SLIT1: variants seen among roughly 807,000 people sequenced by gnomAD.
SLIT1 encodes slit homolog 1 protein.
Under a neutral mutation model 186.1 loss-of-function variants are expected in SLIT1, and 66 were observed. That is an observed-to-expected ratio of 0.35 (90% CI 0.29 to 0.44). The LOEUF is 0.44. Ranked by LOEUF, SLIT1 falls within the 20% of genes least tolerant of loss-of-function variation. SLIT1 has a pLI of 1.00. For synonymous variants in SLIT1, 761 were observed against 833.8 expected (o/e 0.91, Z 1.50); for missense variants, 1,638 against 2,037.4 (o/e 0.80, Z 3.77).
At chr10:97,185,456 CA>C in intron 1 of SLIT1, 21 bp downstream of exon 1, 1 of 1,606,056 alleles carries the variant, frequency 6.2e-7, no homozygotes, top group Non-Finnish European at 8.5e-7. Context: ...GCCAGGGAGC[CA>C]GGGGCGGGGA....
intron 28 of SLIT1, among the ~76,000 whole-genome samples, chr10:97,017,090 C>G (rs751409272): frequency 1.3e-5 from 2 of 152,218 alleles, no homozygotes; most frequent in African/African-American, 4.8e-5. Context: ...ACTCCCGCAG[C>G]CCGCATTCTG....
rs575252683 is a variant in SLIT1 at position 97,043,958 on chromosome 10, A to G, written c.1854-445T>C. On this transcript the variant is annotated intron_variant, in intron 18 of 36. Coordinates refer to ENST00000266058, the MANE Select transcript of SLIT1 (RefSeq NM_003061.3). The surrounding 1 kb of genome is among the most constrained non-coding windows in gnomAD (Gnocchi z 7.0). ...GAACTCCTTACTGTGACCTGAGACC[A>G]TGTCTACCCAGACCCGGACCATCTC... Among the ~76,000 whole-genome samples, 1 of 152,012 alleles carries G rather than the reference A, an allele frequency of 6.6e-6. No individual in the cohort carries two copies. Among genetic ancestry groups the G allele is most frequent in the South Asian group, 2.1e-4 (1 of 4,794 alleles).
At chr10:97,003,296 C>A (rs1848329101) in intron 34 of SLIT1, among the ~76,000 whole-genome samples, 1 of 152,266 alleles carries the variant, frequency 6.6e-6, no homozygotes, top group African/African-American at 2.4e-5. Context: ...AAGGCGCCTT[C>A]TCTCCCTGGG....
In SLIT1 at chr10:97,040,028, G is replaced by A. The variant is rs199850565; in HGVS notation, c.2257C>T (p.Arg753Trp). ...TVVRCSNKHL[R>W]ALPKGIPKNV... is the part of the protein sequence containing the mutation. The stretch of plus-strand genomic sequence containing the variant: ...TTGGGAATGCCCTTGGGCAGGGCCC[G>A]CAGGTGCTTGTTGCTGCATCGGACC... Residue 753 changes from arginine to tryptophan, a missense_variant, in exon 21 of 37, where the codon CGG becomes TGG. This residue lies in a region of SLIT1 where 1,245 missense variants were observed against 1,535.3 expected (regional missense o/e 0.81). Coordinates refer to ENST00000266058, the MANE Select transcript of SLIT1 (RefSeq NM_003061.3). The A allele has an allele frequency of 1.8e-5, 29 of 1,613,580 alleles. No homozygotes were observed. The Middle Eastern group carries it at 6.6e-4, about 37-fold the overall frequency.
chr10:97,168,227 A>G (rs112540348), intron 1 of SLIT1, among the ~76,000 whole-genome samples: 1 of 152,330 alleles, frequency 6.6e-6, no homozygotes, highest in African/African-American at 2.4e-5. Context: ...TATAATATCC[A>G]TAATACCCAA....
intron 34 of SLIT1, 84 bp from the exon 35 acceptor site, chr10:97,003,076 T>G: frequency 7.5e-7 from 1 of 1,338,232 alleles, no homozygotes; most frequent in Middle Eastern, 2.1e-4. Flanking sequence ...GGCAGCTCCA[T>G]GGCCTTCCCT....
chr10:97,102,500 G>C (rs992387166), intron 4 of SLIT1: 8 of 151,912 alleles, frequency 5.3e-5, no homozygotes, highest in African/African-American at 1.9e-4. Context: ...GCACTGCAGG[G>C]ACACGCAAAG....
Position 97,127,348 on chromosome 10 carries a change from C to A in SLIT1, c.413+30470G>T, listed in dbSNP as rs144321912. 1.8e-3 allele frequency among the ~76,000 whole-genome samples: 279 copies of A among 152,092 alleles called. 2 individuals carry two copies. Among genetic ancestry groups the A allele is most frequent in the African/African-American group, 6.6e-3 (272 of 41,512 alleles). On this transcript the variant is annotated intron_variant, in intron 4 of 36. Coordinates refer to ENST00000266058, the MANE Select transcript of SLIT1 (RefSeq NM_003061.3). ...TGACATTTCTGTAAAGTATCCAAAC[C>A]AATCAGACTCATCAGCCAAGCCTTA...
chr10:97,008,231 A>T (rs1238844706), intron 31 of SLIT1, among the ~76,000 whole-genome samples: 1 of 152,264 alleles, frequency 6.6e-6, no homozygotes, highest in African/African-American at 2.4e-5. Context: ...TGAAATTAAG[A>T]AAACAATTCC....
chr10:97,115,471 A>G (rs1254259901), intron 4 of SLIT1, among the ~76,000 whole-genome samples: 2 of 152,120 alleles, frequency 1.3e-5, no homozygotes, highest in East Asian at 3.8e-4. Context: ...CCGGGGGCCA[A>G]TTCTGGGTGC....
chr10:97,048,916 T>C (rs368348528), intron 14 of SLIT1, 39 bp downstream of exon 14: 228 of 1,587,056 alleles, frequency 1.4e-4, no homozygotes, highest in Non-Finnish European at 1.7e-4. Flanking sequence ...GGCAGGCAGG[T>C]AGGTGGACAG....
intron 4 of SLIT1, 48 bp from the exon 5 acceptor site, chr10:97,066,134 G>A: frequency 6.9e-7 from 1 of 1,455,068 alleles, no homozygotes; most frequent in Non-Finnish European, 9.5e-7. Flanking sequence ...CAGAAAAGAG[G>A]TTCCTGCAGA....
At chr10:97,003,655 C>T (rs2134585878) in intron 34 of SLIT1, among the ~76,000 whole-genome samples, 1 of 152,272 alleles carries the variant, frequency 6.6e-6, no homozygotes, top group African/African-American at 2.4e-5. Context: ...CCTCTAAGGC[C>T]AGCCGAGGCA....
At chr10:97,038,783 AAACT>A (rs1234793454) in intron 21 of SLIT1, among the ~76,000 whole-genome samples, 1 of 152,140 alleles carries the variant, frequency 6.6e-6, no homozygotes, top group African/African-American at 2.4e-5. Context: ...TGCATCATAC[AAACT>A]GACTTCCCAC....
intron 1 of SLIT1, among the ~76,000 whole-genome samples, chr10:97,166,388 C>T (rs11189020): frequency 0.11 from 16,417 of 151,170 alleles, 891 homozygotes; most frequent in African/African-American, 0.14. Flanking sequence ...TGGTGGCAGG[C>T]ACCTGTAATC....
rs1214117539 is a variant in SLIT1 at position 97,022,394 on chromosome 10, CTG to C, written c.2583-983_2583-982del. ...AAGCAAGTGTCTGCCCTGCACAACACTGTGAATGATTAAATGCCACCGAGTTG... is the reference window on the plus strand; with the variant it reads ...AAGCAAGTGTCTGCCCTGCACAACACTGAATGATTAAATGCCACCGAGTTG... On this transcript the variant is annotated intron_variant, in intron 25 of 36. Transcript: ENST00000266058. This position sits in a 1 kb window ranked among gnomAD's most constrained non-coding sequence, Gnocchi z 4.2. Among the ~76,000 whole-genome samples, 3 of 151,540 alleles carry C rather than the reference CTG, an allele frequency of 2.0e-5. No individual in the cohort carries two copies. The highest frequency in any genetic ancestry group is 1.3e-4 in the Admixed American group (2 of 15,254).
In SLIT1 at chr10:97,004,653, G is replaced by A. The variant is rs748376786; in HGVS notation, c.3710+40C>T. 37 of 1,612,598 alleles carry A rather than the reference G, an allele frequency of 2.3e-5. No individual in the cohort carries two copies. The highest frequency in any genetic ancestry group is 5.5e-5 in the South Asian group (5 of 90,978). On this transcript the variant is annotated intron_variant, in intron 33 of 36. Transcript: ENST00000266058. The surrounding 1 kb of genome is among the most constrained non-coding windows in gnomAD (Gnocchi z 5.1). ...CAGGAGACCTCGCCCTGGCAGTCCC[G>A]TACCCCTGAGGGCAGCTGGGGGGCA...
intron 4 of SLIT1, among the ~76,000 whole-genome samples, chr10:97,142,662 T>A (rs1359127428): frequency 6.6e-6 from 1 of 152,048 alleles, no homozygotes; most frequent in Non-Finnish European, 1.5e-5. Flanking sequence ...AAGGACACAG[T>A]CAAAAGAATG....
intron 28 of SLIT1, 66 bp from the exon 29 acceptor site, chr10:97,014,224 C>T (rs185673699): frequency 2.3e-5 from 36 of 1,563,334 alleles, no homozygotes; most frequent in East Asian, 1.3e-4. Flanking sequence ...CTGTGGCTGC[C>T]GGTTAATATC....
Sources: allele counts gnomAD v4.1 joint callset (sites outside exome capture counted in the v4.1 genomes callset), GRCh38; gene constraint gnomAD v4.1.1; regional missense constraint gnomAD v4.1.1; non-coding constraint Gnocchi (gnomAD v3.1); transcripts MANE v1.5; gene names NCBI Gene and HGNC (gene_info 2026-07-23, HGNC 2026-07-21).